The following CRYBG1 variants were observed in gnomAD, a reference collection of about 807,000 sequenced individuals.
CRYBG1 encodes beta/gamma crystallin domain-containing protein 1.
CRYBG1 carries 139 observed loss-of-function variants against 189.2 expected under a neutral mutation model. That is an observed-to-expected ratio of 0.73 (90% CI 0.64 to 0.85). The LOEUF is 0.85. CRYBG1 is among the 40% of genes least tolerant of loss of function. The pLI is 0.00. For missense variants in CRYBG1, 2,611 were observed against 2,675.8 expected, an observed-to-expected ratio of 0.98 and a Z score of 0.53; for synonymous variants, 1,023 against 1,017.1, an observed-to-expected ratio of 1.01 and a Z score of -0.11.
chr6:106,486,558 C>T (rs1439345074), intron 2 of CRYBG1, among the ~76,000 whole-genome samples: 1 of 152,102 alleles, frequency 6.6e-6, no homozygotes, highest in Non-Finnish European at 1.5e-5. Context: ...TACTGTATTG[C>T]AATCTCTCCT....
At chr6:106,510,950 G>C (rs1016933495) in intron 2 of CRYBG1, among the ~76,000 whole-genome samples, 1 of 152,200 alleles carries the variant, frequency 6.6e-6, no homozygotes, top group Non-Finnish European at 1.5e-5. Context: ...AAGGCTGCTA[G>C]GACTGGTTTT....
At chr6:106,530,153 T>C in intron 7 of CRYBG1, 23 bp from the exon 8 acceptor site, 1 of 1,594,040 alleles carries the variant, frequency 6.3e-7, no homozygotes, top group Non-Finnish European at 8.6e-7. Context: ...ATTCTTACTA[T>C]CTATGCATCT....
At chr6:106,553,368 G>T in intron 15 of CRYBG1, 87 bp from the exon 16 acceptor site, 1 of 824,578 alleles carries the variant, frequency 1.2e-6, no homozygotes, top group Non-Finnish European at 2.0e-6. Flanking sequence ...AAGTCAGCAG[G>T]TCATGTTTAG....
intron 1 of CRYBG1, among the ~76,000 whole-genome samples, chr6:106,361,598 A>G (rs1384329010): frequency 3.9e-5 from 6 of 152,174 alleles, no homozygotes; most frequent in Non-Finnish European, 7.3e-5. Context: ...TCATGGGTGG[A>G]GGAACTGAGA....
At position 106,521,293 on chromosome 6, in the gene CRYBG1, T is replaced by A. The variant is rs761878814; in HGVS notation, c.4085T>A (p.Leu1362Gln). The stretch of plus-strand genomic sequence containing the variant: ...ACTAAATTTTCTGAATTGTCAAAAC[T>A]GAAGAATGATGATATGGAAAAGGCT... ...PETKFSELSK[L>Q]KNDDMEKANH... The change falls in exon 4 of 22, where the codon CTG becomes CAG. Residue 1362 changes from leucine (L) to glutamine (Q), a missense_variant. Coordinates refer to ENST00000633556, the MANE Select transcript of CRYBG1 (RefSeq NM_001371242.2). The A allele has an allele frequency of 6.2e-7, 1 of 1,614,114 alleles. No homozygotes were observed. The highest frequency in any genetic ancestry group is 8.5e-7 in the Non-Finnish European group (1 of 1,180,020).
chr6:106,468,409 A>T (rs77665986), intron 2 of CRYBG1, among the ~76,000 whole-genome samples: 2,062 of 152,354 alleles, frequency 0.014, 44 homozygotes, highest in African/African-American at 0.046. Flanking sequence ...CAGGAAATTG[A>T]TGGCTGTCCA....
At chr6:106,551,195 C>T (rs1774396830) in intron 13 of CRYBG1, among the ~76,000 whole-genome samples, 1 of 151,980 alleles carries the variant, frequency 6.6e-6, no homozygotes, top group South Asian at 2.1e-4. Context: ...CCATGCATGA[C>T]CAATGTTTAG....
Position 106,392,788 on chromosome 6 carries a change from C to CA in CRYBG1, c.173+31708dup, listed in dbSNP as rs562600586. ...AAGAGAAATAATTTTTTTTTTGAGA[C>CA]AGAGTTTTGCTGTATTGCACAGGCT... On this transcript the variant is annotated intron_variant, in intron 1 of 21. Transcript: ENST00000633556. Among the ~76,000 whole-genome samples, 24 of 151,402 alleles carry CA rather than the reference C, an allele frequency of 1.6e-4. No homozygotes were observed. In the East Asian group the frequency reaches 4.1e-3, roughly 26 times the overall value.
chr6:106,482,796 AG>A (rs1400336177), intron 2 of CRYBG1, among the ~76,000 whole-genome samples: 2 of 152,080 alleles, frequency 1.3e-5, no homozygotes, highest in African/African-American at 4.8e-5. Context: ...ATCATAAAAA[AG>A]TAAAAATAAA....
chr6:106,531,783 A>G (rs1326874616), intron 8 of CRYBG1, among the ~76,000 whole-genome samples: 1 of 152,212 alleles, frequency 6.6e-6, no homozygotes, highest in Non-Finnish European at 1.5e-5. Flanking sequence ...CTGGAACATT[A>G]CCAGCACCCC....
intron 1 of CRYBG1, among the ~76,000 whole-genome samples, chr6:106,413,246 C>T (rs889168309): frequency 2.6e-5 from 4 of 152,154 alleles, no homozygotes; most frequent in African/African-American, 7.2e-5. Flanking sequence ...GTGATTATGC[C>T]AACCCCTGGC....
intron 2 of CRYBG1, among the ~76,000 whole-genome samples, chr6:106,480,509 A>G (rs918602451): frequency 6.6e-6 from 1 of 151,854 alleles, no homozygotes; most frequent in Non-Finnish European, 1.5e-5. Context: ...GAAAAAAAAA[A>G]AAAAAAATTT....
chr6:106,509,570 C>A (rs1050147664), intron 2 of CRYBG1, among the ~76,000 whole-genome samples: 1 of 152,144 alleles, frequency 6.6e-6, no homozygotes, highest in East Asian at 1.9e-4. Flanking sequence ...GCCCACCAGG[C>A]GCTTCTAAGA....
chr6:106,371,018 A>G (rs1201383390), intron 1 of CRYBG1, among the ~76,000 whole-genome samples: 1 of 152,208 alleles, frequency 6.6e-6, no homozygotes, highest in Admixed American at 6.5e-5. Flanking sequence ...AAGCCAACAA[A>G]AATAAAAATA....
chr6:106,364,524 T>C (rs1300938275), intron 1 of CRYBG1, among the ~76,000 whole-genome samples: 1 of 152,172 alleles, frequency 6.6e-6, no homozygotes, highest in African/African-American at 2.4e-5. Flanking sequence ...TTTTTCAGCT[T>C]GGTTTTGGTA....
Position 106,527,468 on chromosome 6 carries a change from C to G in CRYBG1, c.4576C>G (p.Gln1526Glu), listed in dbSNP as rs780505046. ...VVIGSIRHVV[Q>E]DYRVSHIDLF... ...GATTGGTTCCATCAGACATGTGGTT[C>G]AGGTAGGTTGTGGTAAATATGGATT... Residue 1526 changes from glutamine (Q) to glutamate (E), a missense_variant and splice_region_variant, in exon 7 of 22, where the codon CAG (glutamine) becomes GAG (glutamate). Physicochemically the swap from Gln to Glu is conservative, Grantham distance 29 (BLOSUM62 2). This residue lies in a region of CRYBG1 where 1,622 missense variants were observed against 1,735.0 expected (regional missense o/e 0.93). Coordinates refer to ENST00000633556, the MANE Select transcript of CRYBG1 (RefSeq NM_001371242.2). 1.9e-6 allele frequency: 3 copies of G among 1,608,738 alleles called. No individual in the cohort carries two copies. The highest frequency in any genetic ancestry group is 2.5e-6 in the Non-Finnish European group (3 of 1,177,552).
At chr6:106,534,606 C>T (rs186432787) in intron 8 of CRYBG1, among the ~76,000 whole-genome samples, 12 of 152,326 alleles carry the variant, frequency 7.9e-5, no homozygotes, top group Admixed American at 3.9e-4. Context: ...GGCCCATTCA[C>T]TCTAGATTAA....
intron 2 of CRYBG1, among the ~76,000 whole-genome samples, chr6:106,494,219 G>A (rs1772790696): frequency 1.3e-5 from 2 of 152,110 alleles, no homozygotes; most frequent in Admixed American, 1.3e-4. Context: ...CAGAGGCTGG[G>A]GGTGGCAGGG....
At chr6:106,405,663 C>T (rs1273487170) in intron 1 of CRYBG1, among the ~76,000 whole-genome samples, 1 of 152,220 alleles carries the variant, frequency 6.6e-6, no homozygotes, top group Non-Finnish European at 1.5e-5. Flanking sequence ...GGGTGCCCCT[C>T]TGGGACAAAT....
Sources: gnomAD v4.1 joint callset for allele counts (sites outside exome capture counted in the v4.1 genomes callset) on GRCh38, gnomAD v4.1.1 for gene constraint, gnomAD v4.1.1 regional missense constraint, MANE v1.5 for transcripts, NCBI Gene and HGNC (gene_info 2026-07-23, HGNC 2026-07-21) for gene names.